The following CNOT6 variants were observed in gnomAD, a reference collection of about 807,000 sequenced individuals.
The protein encoded by CNOT6 is CCR4-NOT transcription complex subunit 6, also known as carbon catabolite repression 4 protein.
CNOT6 carries 12 observed loss-of-function variants against 61.2 expected under a neutral mutation model. The observed-to-expected ratio is 0.20, with a 90% CI of 0.13 to 0.32. The LOEUF (loss-of-function observed/expected upper bound fraction) is 0.32, where lower values mean the gene tolerates loss of function less well. CNOT6 is among the 10% of genes least tolerant of loss of function. The probability of loss-of-function intolerance (pLI) is 1.00; values close to 1 mark genes in which losing one functional copy is unlikely to be tolerated. For synonymous variants in CNOT6, 225 were observed against 240.6 expected (o/e 0.94, Z 0.60); for missense variants, 405 against 663.9 (o/e 0.61, Z 4.28).
intron 2 of CNOT6, among the ~76,000 whole-genome samples, chr5:180,529,843 T>A (rs1479013350): frequency 6.6e-6 from 1 of 152,222 alleles, no homozygotes; most frequent in Non-Finnish European, 1.5e-5. Context: ...TTCATTGGCT[T>A]CTGAGTCTGA....
intron 4 of CNOT6, among the ~76,000 whole-genome samples, chr5:180,560,846 C>A (rs1418982177): frequency 6.6e-6 from 1 of 152,148 alleles, no homozygotes. Context: ...GCGTCCAAGG[C>A]TCTGATGACA....
intron 2 of CNOT6, among the ~76,000 whole-genome samples, chr5:180,535,584 G>T (rs956241643): frequency 6.6e-6 from 1 of 152,164 alleles, no homozygotes; most frequent in Non-Finnish European, 1.5e-5. Context: ...GGTTGAGGCC[G>T]TATCTTTGCT....
intron 1 of CNOT6, among the ~76,000 whole-genome samples, chr5:180,525,569 C>T (rs959619123): frequency 6.6e-6 from 1 of 151,814 alleles, no homozygotes; most frequent in Non-Finnish European, 1.5e-5. Flanking sequence ...GTTCTATTTC[C>T]TGTCAGCAGG....
intron 1 of CNOT6, among the ~76,000 whole-genome samples, chr5:180,524,617 C>G (rs1758014768): frequency 6.6e-6 from 1 of 152,092 alleles, no homozygotes; most frequent in Non-Finnish European, 1.5e-5. Flanking sequence ...AGGTGGAAAT[C>G]AAGACTGTTT....
At chr5:180,555,281 A>G (rs2387284) in intron 4 of CNOT6, among the ~76,000 whole-genome samples, 67,078 of 152,092 alleles carry the variant, frequency 0.44, 15,763 homozygotes, top group Non-Finnish European at 0.53. Context: ...TGCTGGGGTT[A>G]CAGGCGTGAG....
At chr5:180,500,570 G>A (rs1422906866) in intron 1 of CNOT6, among the ~76,000 whole-genome samples, 1 of 152,062 alleles carries the variant, frequency 6.6e-6, no homozygotes, top group East Asian at 1.9e-4. Flanking sequence ...GAGTAGCTGG[G>A]ACTACAGGCA....
At chr5:180,504,955 A>ATTTTTT (rs769852255) in intron 1 of CNOT6, among the ~76,000 whole-genome samples, 12,302 of 101,064 alleles carry the variant, frequency 0.12, 1,145 homozygotes, top group Non-Finnish European at 0.16. Flanking sequence ...GTACTAGTTA[A>ATTTTTT]TTTTTTTTTT....
At chr5:180,520,015 G>A (rs962632103) in intron 1 of CNOT6, among the ~76,000 whole-genome samples, 1 of 151,830 alleles carries the variant, frequency 6.6e-6, no homozygotes, top group African/African-American at 2.4e-5. Context: ...TGTATTTTTG[G>A]TAGAGACAAG....
intron 2 of CNOT6, among the ~76,000 whole-genome samples, chr5:180,541,538 G>A (rs1759042863): frequency 7.5e-6 from 1 of 133,240 alleles, no homozygotes; most frequent in African/African-American, 2.9e-5. Context: ...TGCAAGCTCC[G>A]CCTCCCGGAT....
intron 3 of CNOT6, among the ~76,000 whole-genome samples, chr5:180,552,537 T>A (rs1298142624): frequency 6.6e-6 from 1 of 151,044 alleles, no homozygotes; most frequent in Admixed American, 6.6e-5. Flanking sequence ...TCCCAGTTAC[T>A]CGGGAGGCTG....
At chr5:180,559,168 G>A (rs912060194) in intron 4 of CNOT6, among the ~76,000 whole-genome samples, 2 of 152,206 alleles carry the variant, frequency 1.3e-5, no homozygotes, top group Admixed American at 6.5e-5. Flanking sequence ...GTCGATGGTA[G>A]TGAGGTTTTT....
intron 2 of CNOT6, 22 bp from the exon 3 acceptor site, chr5:180,549,909 C>G (rs200655952): frequency 3.7e-5 from 58 of 1,563,268 alleles, no homozygotes; most frequent in Non-Finnish European, 5.0e-5. Flanking sequence ...ATAATCCGTT[C>G]CTGTATTTTT....
chr5:180,555,914 A>T (rs539291561), intron 4 of CNOT6, among the ~76,000 whole-genome samples: 1 of 152,222 alleles, frequency 6.6e-6, no homozygotes, highest in South Asian at 2.1e-4. Context: ...CACATTTTTA[A>T]ATACTCTTCA....
chr5:180,558,591 T>C (rs1217091508), intron 4 of CNOT6, among the ~76,000 whole-genome samples: 1 of 150,382 alleles, frequency 6.6e-6, no homozygotes, highest in African/African-American at 2.4e-5. Flanking sequence ...TTCTGCTCTT[T>C]AGTATTTCCT....
chr5:180,500,673 A>G (rs13154251), intron 1 of CNOT6, among the ~76,000 whole-genome samples: 69,575 of 152,060 alleles, frequency 0.46, 17,129 homozygotes, highest in Non-Finnish European at 0.56. Flanking sequence ...AAATAGTACT[A>G]TAACTCAGTT....
At chr5:180,568,047 G>A in intron 9 of CNOT6, 44 bp downstream of exon 9, 1 of 1,526,362 alleles carries the variant, frequency 6.6e-7, no homozygotes, top group Non-Finnish European at 8.8e-7. Flanking sequence ...GCTCTGACTA[G>A]ACATCTTCAA....
rs1318689710 is a variant in CNOT6 at position 180,577,248 on chromosome 5, T to C, written c.*3048T>C. On this transcript the variant is annotated 3_prime_UTR_variant, in exon 12 of 12. Transcript: ENST00000261951. ...AAACTTACTTGGGATTATTAGCACT[T>C]TCAAACTTAGGGACATTATTAAATT... 1 of 152,054 alleles carries C rather than the reference T, an allele frequency of 6.6e-6. No homozygotes were observed. Among genetic ancestry groups the C allele is most frequent in the Non-Finnish European group, 1.5e-5 (1 of 67,920 alleles). The allele number at this position is 152,054 out of a possible 1,614,324, so 9.4% of individuals were successfully genotyped here. A position where few individuals can be genotyped will look rare whatever the true frequency, so the allele number is the denominator to read the frequency against.
chr5:180,497,374 A>G (rs1026012792), intron 1 of CNOT6, among the ~76,000 whole-genome samples: 23 of 151,838 alleles, frequency 1.5e-4, no homozygotes, highest in Admixed American at 3.3e-4. Context: ...TAGACATTCC[A>G]GTACCTATAT....
intron 1 of CNOT6, among the ~76,000 whole-genome samples, chr5:180,508,453 A>C (rs993992124): frequency 2.6e-5 from 4 of 152,130 alleles, no homozygotes; most frequent in Admixed American, 2.6e-4. Context: ...CTGGGACTAC[A>C]GGCGCACGCC....
Sources: allele counts gnomAD v4.1 joint callset (sites outside exome capture counted in the v4.1 genomes callset), GRCh38; gene constraint gnomAD v4.1.1; transcripts MANE v1.5; gene names NCBI Gene and HGNC (gene_info 2026-07-23, HGNC 2026-07-21).